ERAP1: variants seen among roughly 807,000 people sequenced by gnomAD.
The protein encoded by ERAP1 is adipocyte-derived leucine aminopeptidase.
ERAP1 carries 86 observed loss-of-function variants against 103.7 expected under a neutral mutation model. The ratio of observed to expected loss-of-function variants is 0.83; its 90% CI spans 0.70 to 0.99. The LOEUF (loss-of-function observed/expected upper bound fraction) is 0.99, where lower values mean the gene tolerates loss of function less well. Ranked by LOEUF, ERAP1 falls within the 50% of genes least tolerant of loss-of-function variation. ERAP1 has a pLI of 0.00. For missense variants in ERAP1, 1,009 were observed against 1,128.4 expected, an observed-to-expected ratio of 0.89 and a Z score of 1.52; for synonymous variants, 398 against 402.4, an observed-to-expected ratio of 0.99 and a Z score of 0.13.
chr5:96,870,471 A>G, the ERAP1 span, among the ~76,000 whole-genome samples: 2 of 152,198 alleles, frequency 1.3e-5, no homozygotes, highest in South Asian at 4.1e-4. Flanking sequence ...ATACGAAATC[A>G]TAGAATCACC....
At chr5:96,867,442 C>T in the ERAP1 span, among the ~76,000 whole-genome samples, 2 of 152,126 alleles carry the variant, frequency 1.3e-5, no homozygotes. Context: ...CAGGGCATAG[C>T]TAGGATGACT....
At chr5:96,889,770 G>A in the ERAP1 span, among the ~76,000 whole-genome samples, 44 of 152,018 alleles carry the variant, frequency 2.9e-4, 1 homozygote, top group Admixed American at 2.5e-3. Flanking sequence ...ACCTCCCATC[G>A]TGCTGCTCTT....
chr5:96,898,634 G>A, the ERAP1 span, among the ~76,000 whole-genome samples: 8 of 151,002 alleles, frequency 5.3e-5, no homozygotes, highest in African/African-American at 2.0e-4. Context: ...CAGCTACTCG[G>A]GAGGTTGAGG....
the ERAP1 span, among the ~76,000 whole-genome samples, chr5:96,930,146 G>A: frequency 2.0e-5 from 3 of 152,116 alleles, no homozygotes; most frequent in South Asian, 2.1e-4. Context: ...AGGGCTAAAC[G>A]GAAACCAGCC....
At chr5:96,790,263 C>G (rs1776574969) in intron 10 of ERAP1, 33 bp downstream of exon 10, 8 of 1,600,180 alleles carry the variant, frequency 5.0e-6, no homozygotes, top group Non-Finnish European at 6.9e-6. Flanking sequence ...AAAGAATGTG[C>G]TTGGGGGAAC....
At chr5:96,807,809 C>T (rs1280369804) in intron 1 of ERAP1, 51 bp downstream of exon 1, 3 of 982,716 alleles carry the variant, frequency 3.1e-6, no homozygotes, top group Non-Finnish European at 3.6e-6. Context: ...GCGGGTGCCG[C>T]GCTCTCCTCC....
chr5:96,927,732 C>T, the ERAP1 span, among the ~76,000 whole-genome samples: 7 of 152,284 alleles, frequency 4.6e-5, no homozygotes, highest in African/African-American at 1.4e-4. Flanking sequence ...GTGATTTGCC[C>T]GTCTTGGCCT....
chr5:96,815,914 G>A, the ERAP1 span, among the ~76,000 whole-genome samples: 7 of 152,160 alleles, frequency 4.6e-5, no homozygotes, highest in South Asian at 8.3e-4. Context: ...GTGGATAGAC[G>A]GATGGATGGA....
chr5:96,799,042 T>C (rs571119932), intron 3 of ERAP1, among the ~76,000 whole-genome samples: 1 of 151,736 alleles, frequency 6.6e-6, no homozygotes, highest in South Asian at 2.1e-4. Context: ...TAATTTTGTA[T>C]TTTTGTAGAG....
At chr5:96,833,490 G>A in the ERAP1 span, among the ~76,000 whole-genome samples, 1,001 of 152,316 alleles carry the variant, frequency 6.6e-3, 3 homozygotes, top group Non-Finnish European at 0.01. Context: ...GAACTATTTT[G>A]AAGGACATAT....
chr5:96,903,585 C>T, the ERAP1 span: 1 of 1,571,578 alleles, frequency 6.4e-7, no homozygotes, highest in East Asian at 2.3e-5. Flanking sequence ...CCTCTGACTT[C>T]ATGCAAAATA....
rs27640 is a variant in ERAP1 at position 96,792,202 on chromosome 5, T to G, written c.1189-10A>C. The stretch of plus-strand genomic sequence containing the variant: ...CAAAGAAATAATCTCCCTATTGAGA[T>G]AGAAAAAAGAAAACATCACCTATGA... On this transcript the variant is annotated splice_polypyrimidine_tract_variant and intron_variant, in intron 7 of 18. Coordinates refer to ENST00000443439, the MANE Select transcript of ERAP1 (RefSeq NM_001040458.3). 1 of 1,610,828 alleles carries G rather than the reference T, an allele frequency of 6.2e-7. No homozygotes were observed. Among genetic ancestry groups the G allele is most frequent in the South Asian group, 1.1e-5 (1 of 91,000 alleles).
chr5:96,870,613 T>G, the ERAP1 span, among the ~76,000 whole-genome samples: 1 of 152,070 alleles, frequency 6.6e-6, no homozygotes, highest in African/African-American at 2.4e-5. Context: ...CTCCCCAGGG[T>G]GTTTTCCCTT....
chr5:96,767,537 G>A lies in ERAP1; in HGVS notation c.2819-4309C>T, dbSNP rs907087694. 7 of 1,392,364 alleles carry A rather than the reference G, an allele frequency of 5.0e-6. No homozygotes were observed. In the African/African-American group the frequency reaches 8.6e-5, roughly 17 times the overall value. The allele number at this position is 1,392,364 out of a possible 1,614,324, so 86.3% of individuals were successfully genotyped here. A position where few individuals can be genotyped will look rare whatever the true frequency, so the allele number is the denominator to read the frequency against. ...AATTTTGTTTTATTCTAGCCATAGG[G>A]GTATTTGGCATTTTAGAAAACTAAA... On this transcript the variant is annotated intron_variant, in intron 19 of 19. Transcript: ENST00000296754.
chr5:96,863,268 C>T, the ERAP1 span, among the ~76,000 whole-genome samples: 7,366 of 152,120 alleles, frequency 0.048, 212 homozygotes, highest in Middle Eastern at 0.1. Context: ...CCTCTGTCAG[C>T]TGCAGAGCCT....
the ERAP1 span, among the ~76,000 whole-genome samples, chr5:96,931,244 C>T: frequency 6.6e-6 from 1 of 151,940 alleles, no homozygotes; most frequent in Non-Finnish European, 1.5e-5. Context: ...GCAGCCTCCA[C>T]CTTCCAGGCT....
Position 96,795,049 on chromosome 5 carries a change from G to A in ERAP1, c.912C>T (p.Pro304=). The change falls in exon 5 of 19, where the codon CCC becomes CCT. Residue 304 remains proline, a synonymous_variant. Transcript: ENST00000443439. ...TCTGTGCAAAATCTCTACCTTGTTT[G>A]GGTAGGGGATACGGTATGCTGAAAT... The part of the protein sequence containing the change: ...EDYFSIPYPL[P]KQDLAAIPDF... 1 of 1,613,956 alleles carries A rather than the reference G, an allele frequency of 6.2e-7. No individual in the cohort carries two copies. The highest frequency in any genetic ancestry group is 8.5e-7 in the Non-Finnish European group (1 of 1,179,948).
At chr5:96,769,400 T>G (rs1460875150) in intron 19 of ERAP1, 4 of 151,970 alleles carry the variant, frequency 2.6e-5, no homozygotes, top group Admixed American at 2.0e-4. Flanking sequence ...TTTTTTGTTT[T>G]TTTTTTTTTG....
chr5:96,903,294 A>G, the ERAP1 span: 1 of 1,102,074 alleles, frequency 9.1e-7, no homozygotes. Context: ...TTTATAAGTA[A>G]TTTGATTAAA....
Sources: gnomAD v4.1 joint callset for allele counts (sites outside exome capture counted in the v4.1 genomes callset) on GRCh38, gnomAD v4.1.1 for gene constraint, MANE v1.5 for transcripts, NCBI Gene and HGNC (gene_info 2026-07-23, HGNC 2026-07-21) for gene names.